GPR63: variants seen among roughly 807,000 people sequenced by gnomAD.
The protein encoded by GPR63 is G protein-coupled receptor 63.
Under a neutral mutation model 23.1 loss-of-function variants are expected in GPR63, and 12 were observed. That is an observed-to-expected ratio of 0.52 (90% CI 0.33 to 0.84). The LOEUF (loss-of-function observed/expected upper bound fraction) is 0.84. Among genes scored for constraint, GPR63 ranks in the 40% least tolerant of loss-of-function variants. GPR63 has a pLI of 0.02. For missense variants in GPR63, 472 were observed against 515.6 expected (o/e 0.92, Z 0.82); for synonymous variants, 172 against 191.1 (o/e 0.90, Z 0.82).
intron 1 of GPR63, among the ~76,000 whole-genome samples, chr6:96,816,265 G>C (rs1414787558): frequency 6.6e-6 from 1 of 152,132 alleles, no homozygotes; most frequent in Non-Finnish European, 1.5e-5. Flanking sequence ...TGTTAATTTT[G>C]TGCCTAGCTT....
At chr6:96,832,263 T>A (rs1293180628) in intron 1 of GPR63, among the ~76,000 whole-genome samples, 1 of 152,056 alleles carries the variant, frequency 6.6e-6, no homozygotes, top group Non-Finnish European at 1.5e-5. Context: ...TAAATTTTCT[T>A]TTCTTTCTTT....
rs763909785 is a variant in GPR63, at chr6:96,799,379, A to G, written c.353T>C (p.Ile118Thr). 3 of 1,614,070 alleles carry G rather than the reference A, an allele frequency of 1.9e-6. No individual in the cohort carries two copies. The highest frequency in any genetic ancestry group is 2.5e-6 in the Non-Finnish European group (3 of 1,180,032). Residue 118 changes from isoleucine to threonine, a missense_variant, in exon 2 of 2, where the codon ATC becomes ACC. Transcript: ENST00000229955. The part of the protein sequence containing the change: ...QKAAMRSAIN[I>T]LLASLAFADM... ...TGCAAAAGCTAGGCTGGCAAGGAGGATGTTAATTGCAGACCTCATGGCAGC... is the reference window on the plus strand; with the variant it reads ...TGCAAAAGCTAGGCTGGCAAGGAGGGTGTTAATTGCAGACCTCATGGCAGC...
chr6:96,811,937 A>C (rs1364962856), intron 1 of GPR63, among the ~76,000 whole-genome samples: 1 of 151,954 alleles, frequency 6.6e-6, no homozygotes, highest in Non-Finnish European at 1.5e-5. Flanking sequence ...TTGCAATTAA[A>C]ATGAATACTC....
At chr6:96,830,158 A>C (rs1185848888) in intron 1 of GPR63, among the ~76,000 whole-genome samples, 1 of 152,194 alleles carries the variant, frequency 6.6e-6, no homozygotes, top group East Asian at 1.9e-4. Flanking sequence ...GAATGAGTAG[A>C]CAGAGGAATT....
At chr6:96,828,724 T>C (rs1406213709) in intron 1 of GPR63, among the ~76,000 whole-genome samples, 1 of 152,046 alleles carries the variant, frequency 6.6e-6, no homozygotes, top group Non-Finnish European at 1.5e-5. Context: ...AACTCTCCAG[T>C]TAAATGCAAA....
chr6:96,816,859 A>C (rs1396745267), intron 1 of GPR63, among the ~76,000 whole-genome samples: 1 of 152,190 alleles, frequency 6.6e-6, no homozygotes, highest in Non-Finnish European at 1.5e-5. Flanking sequence ...TCACTCTTGG[A>C]ATAGGCATGA....
intron 1 of GPR63, among the ~76,000 whole-genome samples, chr6:96,823,468 A>C (rs1774360523): frequency 6.6e-6 from 1 of 152,176 alleles, no homozygotes; most frequent in South Asian, 2.1e-4. Context: ...TATAATGAAA[A>C]CATTTGCATA....
chr6:96,799,125 A>G lies in GPR63; in HGVS notation c.607T>C (p.Trp203Arg). The G allele has an allele frequency of 6.2e-7, 1 of 1,614,202 alleles. No homozygotes were observed. Among genetic ancestry groups the G allele is most frequent in the Non-Finnish European group, 8.5e-7 (1 of 1,180,030 alleles). ...YRAKVLIAVS[W>R]ATSFCVAFPL... ...AAAGCTACACAAAAGGAAGTTGCCC[A>G]AGAAACTGCAATCAGAACCTTAGCT... The change falls in exon 2 of 2, where the codon TGG becomes CGG. Residue 203 changes from tryptophan (W) to arginine (R), a missense_variant. By Grantham distance (101) the Trp-to-Arg change is moderately radical. Coordinates refer to ENST00000229955, the MANE Select transcript of GPR63 (RefSeq NM_030784.4).
intron 1 of GPR63, among the ~76,000 whole-genome samples, chr6:96,830,077 C>A (rs1406614812): frequency 6.6e-6 from 1 of 152,058 alleles, no homozygotes; most frequent in African/African-American, 2.4e-5. Context: ...GTAAAATTCC[C>A]TTTATGTAAT....
chr6:96,819,997 C>CA lies in GPR63; in HGVS notation c.-151+17270dup, dbSNP rs1774272077. On this transcript the variant is annotated intron_variant, in intron 1 of 1. Coordinates refer to ENST00000229955, the MANE Select transcript of GPR63 (RefSeq NM_030784.4). ...CTCAAAAAAAAAAAAAAAAAACAAA[C>CA]AACAACAAAAAAAATTCGACCAGTA... 1.1e-4 allele frequency among the ~76,000 whole-genome samples: 14 copies of CA among 129,306 alleles called. No individual in the cohort carries two copies. The South Asian group carries it at 2.3e-3, about 21-fold the overall frequency. The allele number at this position is 129,306 out of a possible 152,430, so 84.8% of individuals were successfully genotyped here.
rs1251083693 is a variant in GPR63, at chr6:96,831,448, A to C, written c.-151+5820T>G. ...ATTACACTTACCAAAAAAAAAAAAA[A>C]CTGTAGAAGATAAACAGGGAAGACA... On this transcript the variant is annotated intron_variant, in intron 1 of 1. Coordinates refer to ENST00000229955, the MANE Select transcript of GPR63 (RefSeq NM_030784.4). Among the ~76,000 whole-genome samples the C allele has an allele frequency of 3.3e-5, 5 of 152,156 alleles. No individual in the cohort carries two copies. In the East Asian group the frequency reaches 9.6e-4, roughly 29 times the overall value.
rs183810665 is a variant in GPR63, at chr6:96,800,565, C to T, written c.-150-684G>A. Among the ~76,000 whole-genome samples the T allele has an allele frequency of 5.5e-4, 83 of 152,172 alleles. 1 individual carries two copies. Among genetic ancestry groups the T allele is most frequent in the East Asian group, 1.9e-3 (10 of 5,186 alleles). Reference sequence around the variant, plus strand: ...TTTTAATTTCTTTCCAGAAGTTCCACCACCAACCATACTGGAGAACTTACT... The same window carrying T: ...TTTTAATTTCTTTCCAGAAGTTCCATCACCAACCATACTGGAGAACTTACT... On this transcript the variant is annotated intron_variant, in intron 1 of 1. Coordinates refer to ENST00000229955, the MANE Select transcript of GPR63 (RefSeq NM_030784.4).
intron 1 of GPR63, among the ~76,000 whole-genome samples, chr6:96,836,609 T>TG (rs1774735064): frequency 6.6e-6 from 1 of 151,850 alleles, no homozygotes; most frequent in Non-Finnish European, 1.5e-5. Context: ...ATTTTTTTTT[T>TG]AAGCACTCTG....
At chr6:96,834,567 C>CAA (rs5878452) in intron 1 of GPR63, among the ~76,000 whole-genome samples, 98 of 133,088 alleles carry the variant, frequency 7.4e-4, no homozygotes, top group African/African-American at 2.7e-3. Flanking sequence ...GTCATAGTTG[C>CAA]AAAAAAAAAA....
At position 96,828,773 on chromosome 6, in the gene GPR63, A is replaced by C. The variant is rs535288820; in HGVS notation, c.-151+8495T>G. On this transcript the variant is annotated intron_variant, in intron 1 of 1. Transcript: ENST00000229955. ...GCTATTTACAAGAGACACATCTAAA[A>C]TCATAAGGATATAGATCCAACTTTA... Among the ~76,000 whole-genome samples the C allele has an allele frequency of 3.3e-5, 5 of 152,312 alleles. No homozygotes were observed. The East Asian group carries it at 9.7e-4, about 29-fold the overall frequency.
rs188824659 is a variant in GPR63 at position 96,797,776 on chromosome 6, T to C, written c.*696A>G. On this transcript the variant is annotated 3_prime_UTR_variant, in exon 2 of 2. Coordinates refer to ENST00000229955, the MANE Select transcript of GPR63 (RefSeq NM_030784.4). ...TGCGCTATTGCTTGAAGAGTTGCTA[T>C]TGTGCTTAGAAAAGTATCTACATTT... is the stretch of plus-strand genomic sequence containing the variant. The C allele has an allele frequency of 6.6e-6, 1 of 152,346 alleles. No homozygotes were observed. The highest frequency in any genetic ancestry group is 1.5e-5 in the Non-Finnish European group (1 of 68,038). 9.4% of individuals were successfully genotyped at this position (152,346 alleles called of 1,614,324 possible). A position where few individuals can be genotyped will look rare whatever the true frequency, so the allele number is the denominator to read the frequency against.
chr6:96,823,853 T>C (rs1182993568), intron 1 of GPR63, among the ~76,000 whole-genome samples: 1 of 152,150 alleles, frequency 6.6e-6, no homozygotes, highest in East Asian at 1.9e-4. Context: ...TACAGTAACA[T>C]GCTTTACAGG....
chr6:96,817,548 A>G (rs537317316), intron 1 of GPR63, among the ~76,000 whole-genome samples: 1 of 152,320 alleles, frequency 6.6e-6, no homozygotes, highest in Middle Eastern at 3.4e-3. Flanking sequence ...AAAGTTAAAT[A>G]CAAGTATATT....
intron 1 of GPR63, among the ~76,000 whole-genome samples, chr6:96,808,297 CTTT>C (rs978341563): frequency 2.6e-5 from 4 of 152,014 alleles, no homozygotes; most frequent in Non-Finnish European, 4.4e-5. Flanking sequence ...AATACAAATA[CTTT>C]TTTTCTTTAA....
Sources: gnomAD v4.1 joint callset for allele counts (sites outside exome capture counted in the v4.1 genomes callset) on GRCh38, gnomAD v4.1.1 for gene constraint, MANE v1.5 for transcripts, NCBI Gene and HGNC (gene_info 2026-07-23, HGNC 2026-07-21) for gene names.